Variants in MSI2 observed in about 807,000 individuals in gnomAD.
MSI2 encodes RNA-binding protein Musashi homolog 2.
A neutral mutation model predicts 45.6 loss-of-function variants in MSI2; 17 were observed. That is an observed-to-expected ratio of 0.37 (90% CI 0.26 to 0.56). MSI2 has a LOEUF of 0.56. MSI2 is among the 20% of genes least tolerant of loss of function. The pLI, the probability that MSI2 is intolerant of heterozygous loss-of-function variation, is 0.77. For synonymous variants in MSI2, 156 were observed against 158.2 expected (o/e 0.99, Z 0.11); for missense variants, 293 against 444.2 (o/e 0.66, Z 3.06).
At chr17:57,370,533 T>G (rs2083405035) in intron 5 of MSI2, among the ~76,000 whole-genome samples, 1 of 152,174 alleles carries the variant, frequency 6.6e-6, no homozygotes, top group African/African-American at 2.4e-5. Flanking sequence ...TCTGGGGGTG[T>G]TATCAGGAGT....
intron 7 of MSI2, among the ~76,000 whole-genome samples, chr17:57,589,743 G>T (rs80315677): frequency 6.6e-6 from 1 of 152,294 alleles, no homozygotes; most frequent in East Asian, 1.9e-4. Context: ...AGAAAAGTAG[G>T]GGGGAGTGTG....
intron 11 of MSI2, among the ~76,000 whole-genome samples, chr17:57,657,294 G>T (rs1048156537): frequency 6.6e-6 from 1 of 152,218 alleles, no homozygotes; most frequent in African/African-American, 2.4e-5. Flanking sequence ...TCTGGAAGGA[G>T]CTGTTCTTCT....
chr17:57,456,002 T>C (rs564289205), intron 6 of MSI2, among the ~76,000 whole-genome samples: 64 of 152,314 alleles, frequency 4.2e-4, no homozygotes, highest in Non-Finnish European at 7.8e-4. Context: ...GCCTTGTCAC[T>C]GCATGTGAAG....
chr17:57,682,575 G>C lies in MSI2; in HGVS notation c.*3058G>C, dbSNP rs1913679982. On this transcript the variant is annotated 3_prime_UTR_variant, in exon 14 of 14. Transcript: ENST00000284073. ...CACAAATCTTGTGGAAATCCGATAT[G>C]TTTTAATGTGGCTACCTAGGTTTAA... 1 of 211,224 alleles carries C rather than the reference G, an allele frequency of 4.7e-6. No individual in the cohort carries two copies. The highest frequency in any genetic ancestry group is 9.6e-6 in the Non-Finnish European group (1 of 104,348). The allele number at this position is 211,224 out of a possible 1,614,324, so 13.1% of individuals were successfully genotyped here.
rs535326706 is a variant in MSI2 at position 57,523,982 on chromosome 17, G to A, written c.406-5694G>A. Among the ~76,000 whole-genome samples, 14 of 152,286 alleles carry A rather than the reference G, an allele frequency of 9.2e-5. No individual in the cohort carries two copies. In the South Asian group the frequency reaches 2.3e-3, roughly 25 times the overall value. ...GGCAGGCAGTAACTGTTTATCTCAC[G>A]TGTTTGGAGTAAACTTGGAGTGGTT... On this transcript the variant is annotated intron_variant, in intron 6 of 13. Coordinates refer to ENST00000284073, the MANE Select transcript of MSI2 (RefSeq NM_138962.4).
chr17:57,315,026 G>A (rs530245414), intron 5 of MSI2, among the ~76,000 whole-genome samples: 25 of 152,196 alleles, frequency 1.6e-4, no homozygotes, highest in African/African-American at 6.0e-4. Flanking sequence ...TTGGTTGGGG[G>A]TGTGGATTGG....
At chr17:57,403,794 A>C (rs2084034447) in intron 6 of MSI2, among the ~76,000 whole-genome samples, 1 of 152,214 alleles carries the variant, frequency 6.6e-6, no homozygotes, top group South Asian at 2.1e-4. Context: ...GATCAAAGTC[A>C]GGGAGACTCT....
chr17:57,627,077 C>T lies in MSI2; in HGVS notation c.653-152C>T. On this transcript the variant is annotated intron_variant, in intron 9 of 13. Transcript: ENST00000284073. The surrounding 1 kb of genome is among the most constrained non-coding windows in gnomAD (Gnocchi z 4.6). ...CCCCGGCCACAGGAGAGAGGTGACC[C>T]AGACCCTTAATAAAAAAACCCTCAT... The T allele has an allele frequency of 1.4e-6, 1 of 714,530 alleles. No homozygotes were observed. The highest frequency in any genetic ancestry group is 1.8e-5 in the South Asian group (1 of 56,356). The allele number at this position is 714,530 out of a possible 1,614,324, so 44.3% of individuals were successfully genotyped here. A position where few individuals can be genotyped will look rare whatever the true frequency, so the allele number is the denominator to read the frequency against.
At chr17:57,273,329 A>T (rs1029332751) in intron 5 of MSI2, among the ~76,000 whole-genome samples, 1 of 152,212 alleles carries the variant, frequency 6.6e-6, no homozygotes, top group East Asian at 1.9e-4. Flanking sequence ...TAGGGGTAGT[A>T]AAGCTGATTA....
chr17:57,413,145 C>T (rs2084227435), intron 6 of MSI2, among the ~76,000 whole-genome samples: 1 of 151,814 alleles, frequency 6.6e-6, no homozygotes, highest in Non-Finnish European at 1.5e-5. Context: ...GCTAGTGCAA[C>T]AGCCTTTATA....
Position 57,559,187 on chromosome 17 carries a change from A to G in MSI2, c.454+29463A>G, listed in dbSNP as rs76999270. Among the ~76,000 whole-genome samples, 489 of 152,368 alleles carry G rather than the reference A, an allele frequency of 3.2e-3. 3 individuals carry two copies. The highest frequency in any genetic ancestry group is 8.4e-3 in the African/African-American group (349 of 41,594). ...TAGACACAGACATCAACAGAAGCAC[A>G]AAGTGAGATGGAACCCTGTCTCCCA... is the stretch of plus-strand genomic sequence containing the variant. On this transcript the variant is annotated intron_variant, in intron 7 of 13. Transcript: ENST00000284073.
Position 57,510,128 on chromosome 17 carries a change from T to C in MSI2, c.406-19548T>C, listed in dbSNP as rs537988856. 7.0e-4 allele frequency among the ~76,000 whole-genome samples: 107 copies of C among 152,186 alleles called. 3 individuals carry two copies. The highest frequency in any genetic ancestry group is 2.4e-3 in the African/African-American group (101 of 41,430). ...CGTTCTGCCCCACGAGGTTTCCCCA[T>C]CTACTCCTTCCTCTGTCTTGGTCCC... On this transcript the variant is annotated intron_variant, in intron 6 of 13. Coordinates refer to ENST00000284073, the MANE Select transcript of MSI2 (RefSeq NM_138962.4).
chr17:57,306,741 GTTTA>G (rs1256777858), intron 5 of MSI2, among the ~76,000 whole-genome samples: 4 of 152,026 alleles, frequency 2.6e-5, no homozygotes, highest in Admixed American at 1.3e-4. Context: ...TTGTTTGTTT[GTTTA>G]TTTATTTATT....
intron 5 of MSI2, chr17:57,267,097 G>A (rs1907865592): frequency 6.6e-6 from 1 of 152,368 alleles, no homozygotes; most frequent in South Asian, 2.1e-4. Flanking sequence ...GCTGCTGTGG[G>A]TCGGGTCATT....
chr17:57,305,219 C>T (rs1027745058), intron 5 of MSI2, among the ~76,000 whole-genome samples: 4 of 152,054 alleles, frequency 2.6e-5, no homozygotes, highest in African/African-American at 7.2e-5. Flanking sequence ...CAGAAGGGCC[C>T]GAGCATCTGT....
chr17:57,524,079 G>A (rs939741775), intron 6 of MSI2, among the ~76,000 whole-genome samples: 4 of 152,188 alleles, frequency 2.6e-5, no homozygotes, highest in East Asian at 1.9e-4. Flanking sequence ...GGCTGGCCTC[G>A]GCACAGGGAA....
chr17:57,411,333 C>A (rs375187524), intron 6 of MSI2, among the ~76,000 whole-genome samples: 58 of 152,308 alleles, frequency 3.8e-4, no homozygotes, highest in Non-Finnish European at 7.1e-4. Context: ...TAAGAGCAAC[C>A]CATTTCTTTT....
At chr17:57,282,339 T>A (rs569069945) in intron 5 of MSI2, among the ~76,000 whole-genome samples, 2 of 152,262 alleles carry the variant, frequency 1.3e-5, no homozygotes, top group East Asian at 3.9e-4. Flanking sequence ...TTGCTGCTCC[T>A]CCAAGGAGCC....
the MSI2 span, among the ~76,000 whole-genome samples, chr17:57,696,283 AGAGTGTGGAAGGCT>A: frequency 6.6e-6 from 1 of 152,214 alleles, no homozygotes; most frequent in African/African-American, 2.4e-5. Flanking sequence ...ATGTCACGGC[AGAGTGTGGAAGGCT>A]GAGTGTGGAG....
Sources: gnomAD v4.1 joint callset for allele counts (sites outside exome capture counted in the v4.1 genomes callset) on GRCh38, gnomAD v4.1.1 for gene constraint, Gnocchi (gnomAD v3.1) non-coding constraint, MANE v1.5 for transcripts, NCBI Gene and HGNC (gene_info 2026-07-23, HGNC 2026-07-21) for gene names.